Variants in SHROOM4 observed in about 807,000 individuals in gnomAD.
SHROOM4 encodes the protein protein Shroom4.
SHROOM4 carries 17 observed loss-of-function variants against 80.3 expected under a neutral mutation model. The ratio of observed to expected loss-of-function variants is 0.21; its 90% CI spans 0.14 to 0.32. The LOEUF (loss-of-function observed/expected upper bound fraction) is 0.32, where lower values mean the gene tolerates loss of function less well. Ranked by LOEUF, SHROOM4 falls within the 10% of genes least tolerant of loss-of-function variation. The pLI is 1.00. For missense variants in SHROOM4, 993 were observed against 1,140.3 expected (o/e 0.87, Z 1.86); for synonymous variants, 400 against 437.5 (o/e 0.91, Z 1.07).
chrX:50,597,963 G>A (rs1206515452), intron 8 of SHROOM4, among the ~76,000 whole-genome samples: 2 of 110,863 alleles, frequency 1.8e-5, no homozygotes, highest in African/African-American at 6.6e-5. Flanking sequence ...CTCAGCCTCC[G>A]GAGTAGCTGG....
chrX:50,618,688 G>A (rs1007974682), intron 5 of SHROOM4, among the ~76,000 whole-genome samples: 6 of 111,471 alleles, frequency 5.4e-5, no homozygotes, highest in Non-Finnish European at 1.1e-4. Context: ...GCACCCAGTC[G>A]ACTACTCTGG....
chrX:50,774,280 G>T lies in SHROOM4; in HGVS notation c.117+39622C>A, dbSNP rs1347900169. 3.6e-5 allele frequency among the ~76,000 whole-genome samples: 4 copies of T among 111,024 alleles called. No homozygotes were observed. In the East Asian group the frequency reaches 8.5e-4, roughly 24 times the overall value. On this transcript the variant is annotated intron_variant, in intron 1 of 8. Coordinates refer to ENST00000376020, the MANE Select transcript of SHROOM4 (RefSeq NM_020717.5). Reference sequence around the variant, plus strand: ...GAAGAAGACACTCCAGCCTTTCTAGGGTCTCAGTATGGTATTAGGCAACAA... The same window carrying T: ...GAAGAAGACACTCCAGCCTTTCTAGTGTCTCAGTATGGTATTAGGCAACAA...
At chrX:50,730,248 A>G (rs1385091184) in intron 1 of SHROOM4, among the ~76,000 whole-genome samples, 6 of 108,675 alleles carry the variant, frequency 5.5e-5, no homozygotes, top group African/African-American at 2.0e-4. Flanking sequence ...ACCAACATGG[A>G]GAAACCCCAT....
chrX:50,615,617 C>T (rs781899562), intron 5 of SHROOM4, among the ~76,000 whole-genome samples: 186 of 112,074 alleles, frequency 1.7e-3, no homozygotes, highest in African/African-American at 5.8e-3. Flanking sequence ...CATATTTCTT[C>T]AATGTGAAAT....
rs1395973611 is a variant in SHROOM4 at position 50,608,034 on chromosome X, T to G, written c.3108A>C (p.Glu1036Asp). The G allele has an allele frequency of 1.7e-6, 2 of 1,209,825 alleles. No homozygotes were observed. Among genetic ancestry groups the G allele is most frequent in the Non-Finnish European group, 2.2e-6 (2 of 895,197 alleles). The change falls in exon 6 of 9, where the codon GAA (glutamate) becomes GAC (aspartate). Residue 1036 changes from glutamate (E) to aspartate (D), a missense_variant. Transcript: ENST00000376020. ...DFKHALKKSE[E>D]TSVYEEGSSL... ...AGCTCCCCTCCTCATAAACTGAAGT[T>G]TCCTCTGATTTTTTCAAAGCATGTT... is the stretch of plus-strand genomic sequence containing the variant.
At chrX:50,724,734 G>C (rs1465546368) in intron 1 of SHROOM4, among the ~76,000 whole-genome samples, 2 of 112,545 alleles carry the variant, frequency 1.8e-5, no homozygotes, top group African/African-American at 6.5e-5. Flanking sequence ...GCCTGCCTCA[G>C]CCTCCCAAAG....
At chrX:50,612,881 C>T (rs1188526724) in intron 5 of SHROOM4, among the ~76,000 whole-genome samples, 1 of 109,928 alleles carries the variant, frequency 9.1e-6, no homozygotes, top group African/African-American at 3.3e-5. Context: ...TCCATAATAC[C>T]ATCATTATCA....
intron 2 of SHROOM4, among the ~76,000 whole-genome samples, chrX:50,652,275 C>G (rs1174574325): frequency 8.9e-6 from 1 of 112,286 alleles, no homozygotes; most frequent in African/African-American, 3.2e-5. Flanking sequence ...GATTGCCATT[C>G]TAACTGGAGT....
intron 2 of SHROOM4, among the ~76,000 whole-genome samples, chrX:50,666,096 T>C: frequency 9.0e-6 from 1 of 111,190 alleles, no homozygotes; most frequent in Non-Finnish European, 1.9e-5. Flanking sequence ...GGATCTGGAG[T>C]CAAACACAGA....
chrX:50,660,606 C>G (rs1932475789), intron 2 of SHROOM4, among the ~76,000 whole-genome samples: 1 of 84,288 alleles, frequency 1.2e-5, no homozygotes, highest in Admixed American at 1.4e-4. Flanking sequence ...CTCTCCCTCT[C>G]TCTCTCCCTC....
chrX:50,701,976 C>T (rs1325734530), intron 1 of SHROOM4, among the ~76,000 whole-genome samples: 2 of 111,595 alleles, frequency 1.8e-5, no homozygotes, highest in African/African-American at 3.3e-5. Context: ...ATTCATAATA[C>T]ATATTACCTG....
At chrX:50,666,541 T>C (rs1001612410) in intron 2 of SHROOM4, among the ~76,000 whole-genome samples, 3 of 111,165 alleles carry the variant, frequency 2.7e-5, no homozygotes, top group Non-Finnish European at 5.7e-5. Context: ...TCCAGGCCTT[T>C]CCCAGGAAAT....
Position 50,633,873 on chromosome X carries a change from A to G in SHROOM4, c.2200T>C (p.Ser734Pro). Residue 734 changes from serine (S) to proline (P), a missense_variant, in exon 4 of 9, where the codon TCA becomes CCA. Physicochemically the swap from Ser to Pro is moderately conservative, Grantham distance 74. Transcript: ENST00000376020. ...GHWRWSPEHN[S>P]QPLVAAAMEG... ...ATGGCTGCTGCCACAAGTGGCTGTG[A>G]ATTATGCTCTGGAGACCATCTCCAA... The G allele has an allele frequency of 3.3e-6, 4 of 1,211,883 alleles. No individual in the cohort carries two copies. The South Asian group carries it at 7.0e-5, about 21-fold the overall frequency.
intron 2 of SHROOM4, among the ~76,000 whole-genome samples, chrX:50,661,688 G>T (rs1932517878): frequency 8.9e-6 from 1 of 112,162 alleles, no homozygotes; most frequent in Non-Finnish European, 1.9e-5. Flanking sequence ...TGTTTTAACA[G>T]GACTAGCTGC....
chrX:50,703,145 T>C (rs1178183010), intron 1 of SHROOM4, among the ~76,000 whole-genome samples: 2 of 111,547 alleles, frequency 1.8e-5, no homozygotes, highest in Non-Finnish European at 3.8e-5. Flanking sequence ...AGGATTTCAG[T>C]AAAAAATGAA....
chrX:50,608,331 TAATAA>T, intron 5 of SHROOM4, 147 bp from the exon 6 acceptor site: 3 of 497,921 alleles, frequency 6.0e-6, no homozygotes, highest in Non-Finnish European at 1.0e-5. Context: ...AATAATATTA[TAATAA>T]TGATAGCTAA....
chrX:50,582,561 G>GA (rs1198387424), downstream of SHROOM4, among the ~76,000 whole-genome samples: 1 of 111,505 alleles, frequency 9.0e-6, no homozygotes, highest in Non-Finnish European at 1.9e-5. Context: ...ACTTCCTTTG[G>GA]AAAGATTCTC....
chrX:50,577,902 C>T, the SHROOM4 span, among the ~76,000 whole-genome samples: 1 of 111,429 alleles, frequency 9.0e-6, no homozygotes, highest in Non-Finnish European at 1.9e-5. Context: ...GACACTGATA[C>T]CCCCCCAGCA....
intron 1 of SHROOM4, among the ~76,000 whole-genome samples, chrX:50,751,083 A>G (rs1381782985): frequency 8.9e-6 from 1 of 112,396 alleles, no homozygotes; most frequent in Non-Finnish European, 1.9e-5. Flanking sequence ...TAAAAGCAGT[A>G]TTAACTTACA....
Sources: allele counts gnomAD v4.1 joint callset (sites outside exome capture counted in the v4.1 genomes callset), GRCh38; gene constraint gnomAD v4.1.1; transcripts MANE v1.5; gene names NCBI Gene and HGNC (gene_info 2026-07-23, HGNC 2026-07-21).